DDHD1: variants seen among roughly 807,000 people sequenced by gnomAD.
DDHD1 encodes the protein DDHD domain containing 1.
DDHD1 carries 49 observed loss-of-function variants against 96.4 expected under a neutral mutation model. The ratio of observed to expected loss-of-function variants is 0.51; its 90% CI spans 0.40 to 0.64. The LOEUF (loss-of-function observed/expected upper bound fraction) is 0.64, where lower values mean the gene tolerates loss of function less well. DDHD1 is among the 30% of genes least tolerant of loss of function. DDHD1 has a pLI of 0.00. For synonymous variants in DDHD1, 442 were observed against 446.5 expected (o/e 0.99, Z 0.13); for missense variants, 1,106 against 1,161.2 (o/e 0.95, Z 0.69).
In DDHD1 at chr14:53,152,711, A is replaced by T. The variant is rs1339281429; in HGVS notation, c.388T>A (p.Ser130Thr). The change falls in exon 1 of 13, where the codon TCG becomes ACG. Residue 130 changes from serine (S) to threonine (T), a missense_variant. This residue lies in a region of DDHD1 where 456 missense variants were observed against 402.4 expected (regional missense o/e 1.13). Transcript: ENST00000673822. ...PQQPPLVPTN[S>T]GGGGATGGSP... ...CCTCCTGTCGCGCCGCCGCCCCCCG[A>T]GTTCGTCGGGACCAGCGGAGGCTGC... 2.5e-6 allele frequency: 4 copies of T among 1,605,264 alleles called. No individual in the cohort carries two copies. The highest frequency in any genetic ancestry group is 3.4e-6 in the Non-Finnish European group (4 of 1,176,294).
intron 12 of DDHD1, chr14:53,048,675 A>C (rs918701087): frequency 1.3e-5 from 2 of 152,224 alleles, no homozygotes; most frequent in African/African-American, 2.4e-5. Flanking sequence ...ACAATAAGCT[A>C]ATCAATAACA....
chr14:53,140,884 T>C (rs1890596960), intron 1 of DDHD1, among the ~76,000 whole-genome samples: 1 of 152,112 alleles, frequency 6.6e-6, no homozygotes, highest in Non-Finnish European at 1.5e-5. Context: ...AGATACAAAT[T>C]GCAAATACTA....
rs112660164 is a variant in DDHD1 at position 53,152,160 on chromosome 14, C to A, written c.838+101G>T. ...TGCCCCAGCCAAACGCCAGGCCTCA[C>A]GCGCCTCCCTCTTCGCGGCGACCAG... is the stretch of plus-strand genomic sequence containing the variant. On this transcript the variant is annotated intron_variant, in intron 1 of 12. Coordinates refer to ENST00000673822, the MANE Select transcript of DDHD1 (RefSeq NM_001160148.2). 3,313 of 1,239,656 alleles carry A rather than the reference C, an allele frequency of 2.7e-3. 74 individuals are homozygous for A. In the African/African-American group the frequency reaches 0.046, roughly 17 times the overall value. 76.8% of individuals were successfully genotyped at this position (1,239,656 alleles called of 1,614,324 possible). A position where few individuals can be genotyped will look rare whatever the true frequency, so the allele number is the denominator to read the frequency against.
intron 1 of DDHD1, among the ~76,000 whole-genome samples, chr14:53,107,804 C>T (rs1319230597): frequency 6.6e-6 from 1 of 152,128 alleles, no homozygotes; most frequent in Non-Finnish European, 1.5e-5. Flanking sequence ...CTGAGCCTAG[C>T]TGGGAAGGTG....
Position 53,088,685 on chromosome 14 carries a change from C to T in DDHD1, c.1289+3100G>A, listed in dbSNP as rs558166940. Among the ~76,000 whole-genome samples, 20 of 152,264 alleles carry T rather than the reference C, an allele frequency of 1.3e-4. No individual in the cohort carries two copies. In the South Asian group the frequency reaches 2.3e-3, roughly 17 times the overall value. ...GGAACATATCTCAAAATAATAAGAG[C>T]TATTTATGACAAAACCACAGCCAAT... On this transcript the variant is annotated intron_variant, in intron 4 of 12. Coordinates refer to ENST00000673822, the MANE Select transcript of DDHD1 (RefSeq NM_001160148.2).
At chr14:53,146,932 T>G (rs959698562) in intron 1 of DDHD1, among the ~76,000 whole-genome samples, 13 of 148,110 alleles carry the variant, frequency 8.8e-5, no homozygotes, top group Non-Finnish European at 1.6e-4. Flanking sequence ...ATGCTGACAG[T>G]TTTTTTTTTT....
intron 7 of DDHD1, among the ~76,000 whole-genome samples, chr14:53,061,641 C>T (rs1490665128): frequency 9.2e-5 from 14 of 152,050 alleles, no homozygotes. Context: ...ATAGTCTAAC[C>T]CTTCTGTTGA....
At chr14:53,100,293 T>C (rs972212758) in intron 2 of DDHD1, among the ~76,000 whole-genome samples, 4 of 151,734 alleles carry the variant, frequency 2.6e-5, no homozygotes, top group African/African-American at 9.7e-5. Flanking sequence ...CTGGGCAACA[T>C]AGTGAGACCC....
rs756324099 is a variant in DDHD1, at chr14:53,046,873, C to T, written c.2598G>A (p.Ser866=). The T allele has an allele frequency of 7.4e-6, 12 of 1,613,584 alleles. No individual in the cohort carries two copies. Among genetic ancestry groups the T allele is most frequent in the South Asian group, 4.4e-5 (4 of 91,014 alleles). The change falls in exon 13 of 13, where the codon TCG becomes TCA. Residue 866 remains serine (S), a synonymous_variant. Transcript: ENST00000673822. ...CCAAGGATGACCAATAGGCAGTATG[C>T]GACGTGACAGCTGACCAATAGCGGC... ...VESRYWSAVT[S]HTAYWSSLDV...
At chr14:53,058,371 T>G (rs1330171319) in intron 9 of DDHD1, 106 bp downstream of exon 9, 1 of 1,317,778 alleles carries the variant, frequency 7.6e-7, no homozygotes, top group African/African-American at 1.5e-5. Flanking sequence ...CGCCTCAGCC[T>G]CCCAAAGTGC....
intron 1 of DDHD1, among the ~76,000 whole-genome samples, chr14:53,148,549 G>T (rs10149928): frequency 0.032 from 4,829 of 152,146 alleles, 251 homozygotes; most frequent in African/African-American, 0.11. Context: ...CTGATCTCAG[G>T]TGATCCACCC....
intron 2 of DDHD1, among the ~76,000 whole-genome samples, chr14:53,097,614 A>C (rs1886981311): frequency 6.6e-6 from 1 of 152,056 alleles, no homozygotes; most frequent in Non-Finnish European, 1.5e-5. Context: ...CAAACTTGAG[A>C]CTTTACTGCT....
intron 4 of DDHD1, among the ~76,000 whole-genome samples, chr14:53,081,987 C>A (rs572911674): frequency 2.0e-5 from 3 of 152,084 alleles, no homozygotes; most frequent in Admixed American, 1.3e-4. Flanking sequence ...TCTGGCTATA[C>A]GCCCAAATTT....
At chr14:53,067,815 C>T (rs1262049269) in intron 6 of DDHD1, among the ~76,000 whole-genome samples, 2 of 152,162 alleles carry the variant, frequency 1.3e-5, no homozygotes, top group Non-Finnish European at 2.9e-5. Flanking sequence ...AAAAATAACA[C>T]AAAGATCACT....
chr14:53,125,384 A>C (rs188905886), intron 1 of DDHD1, among the ~76,000 whole-genome samples: 135 of 152,306 alleles, frequency 8.9e-4, no homozygotes, highest in Admixed American at 8.6e-3. Flanking sequence ...AAAATATTTG[A>C]TATAACCTGC....
rs572242765 is a variant in DDHD1 at position 53,086,236 on chromosome 14, T to C, written c.1289+5549A>G. Among the ~76,000 whole-genome samples, 3 of 152,238 alleles carry C rather than the reference T, an allele frequency of 2.0e-5. No individual in the cohort carries two copies. In the South Asian group the frequency reaches 6.2e-4, roughly 32 times the overall value. On this transcript the variant is annotated intron_variant, in intron 4 of 12. Coordinates refer to ENST00000673822, the MANE Select transcript of DDHD1 (RefSeq NM_001160148.2). ...AAGCTGGAAAACACTCTTTAGGATA[T>C]TATCCAGGAGAACTTCCCCAACCTA...
intron 1 of DDHD1, among the ~76,000 whole-genome samples, chr14:53,111,039 C>T (rs1391881428): frequency 6.6e-6 from 1 of 152,146 alleles, no homozygotes; most frequent in African/African-American, 2.4e-5. Flanking sequence ...GAAGAACGGT[C>T]TTTATTGAAA....
At chr14:53,120,720 G>A (rs1020109642) in intron 1 of DDHD1, among the ~76,000 whole-genome samples, 1 of 152,112 alleles carries the variant, frequency 6.6e-6, no homozygotes, top group African/African-American at 2.4e-5. Flanking sequence ...TTTAATAAAT[G>A]GTGCTGGGAA....
chr14:53,048,172 C>T (rs1882195781), intron 12 of DDHD1, among the ~76,000 whole-genome samples: 2 of 152,232 alleles, frequency 1.3e-5, no homozygotes, highest in Admixed American at 6.5e-5. Context: ...AATGCTTATA[C>T]AGTTGTTATT....
Sources: gnomAD v4.1 joint callset for allele counts (sites outside exome capture counted in the v4.1 genomes callset) on GRCh38, gnomAD v4.1.1 for gene constraint, gnomAD v4.1.1 regional missense constraint, MANE v1.5 for transcripts, NCBI Gene and HGNC (gene_info 2026-07-23, HGNC 2026-07-21) for gene names.